The following GRIA4 variants were observed in gnomAD, a reference collection of about 807,000 sequenced individuals.
GRIA4 encodes the protein glutamate ionotropic receptor AMPA type subunit 4.
In GRIA4, 34 loss-of-function variants were observed where a neutral mutation model predicts 104.0. The observed-to-expected ratio is 0.33, with a 90% CI of 0.25 to 0.44. The LOEUF (loss-of-function observed/expected upper bound fraction) is 0.44. Ranked by LOEUF, GRIA4 falls within the 20% of genes least tolerant of loss-of-function variation. The pLI, the probability that GRIA4 is intolerant of heterozygous loss-of-function variation, is 1.00. For missense variants in GRIA4, 750 were observed against 1,096.5 expected (o/e 0.68, Z 4.46); for synonymous variants, 386 against 381.9 (o/e 1.01, Z -0.13).
intron 3 of GRIA4, among the ~76,000 whole-genome samples, chr11:105,750,504 A>G (rs1939935436): frequency 6.6e-6 from 1 of 152,100 alleles, no homozygotes. Context: ...GAAAAGGAGA[A>G]TAAATAGAAA....
At chr11:105,909,027 A>C (rs1947140344) in intron 9 of GRIA4, among the ~76,000 whole-genome samples, 1 of 152,204 alleles carries the variant, frequency 6.6e-6, no homozygotes, top group African/African-American at 2.4e-5. Context: ...ATAATTATTA[A>C]TAAATGTCAA....
chr11:105,728,214 G>T (rs1017151804), intron 3 of GRIA4, among the ~76,000 whole-genome samples: 1 of 152,070 alleles, frequency 6.6e-6, no homozygotes, highest in Non-Finnish European at 1.5e-5. Flanking sequence ...AAGAAGCAGG[G>T]GTTGCAATCC....
chr11:105,794,302 T>A (rs952448887), intron 4 of GRIA4, among the ~76,000 whole-genome samples: 11 of 150,640 alleles, frequency 7.3e-5, no homozygotes, highest in Non-Finnish European at 1.3e-4. Flanking sequence ...TGCTAGAGAC[T>A]GCTTTCCTTT....
intron 3 of GRIA4, among the ~76,000 whole-genome samples, chr11:105,637,946 C>G (rs991779399): frequency 6.6e-6 from 1 of 152,076 alleles, no homozygotes; most frequent in African/African-American, 2.4e-5. Flanking sequence ...TTTTTAATTT[C>G]ATTCATTTAT....
chr11:105,677,133 GAGTGACAACCA>G (rs1952563600), intron 3 of GRIA4, among the ~76,000 whole-genome samples: 1 of 151,800 alleles, frequency 6.6e-6, no homozygotes, highest in Non-Finnish European at 1.5e-5. Flanking sequence ...GTTTTCAAAA[GAGTGACAACCA>G]AGTGATCCAT....
intron 4 of GRIA4, among the ~76,000 whole-genome samples, chr11:105,783,744 TTGTGTGTGTGTGTGTG>T (rs56222983): frequency 8.3e-5 from 12 of 145,376 alleles, no homozygotes; most frequent in African/African-American, 2.1e-4. Context: ...TGGATGTTAT[TTGTGTGTGTGTGTGTG>T]TGTGTGTGTG....
chr11:105,654,041 A>T (rs1951769572), intron 3 of GRIA4, among the ~76,000 whole-genome samples: 1 of 150,540 alleles, frequency 6.6e-6, no homozygotes, highest in Non-Finnish European at 1.5e-5. Context: ...AACAAAAAAG[A>T]AGAAGAAGGA....
Position 105,902,613 on chromosome 11 carries a change from G to C in GRIA4, c.886-1201G>C, listed in dbSNP as rs377621452. On this transcript the variant is annotated intron_variant, in intron 7 of 16. Coordinates refer to ENST00000282499, the MANE Select transcript of GRIA4 (RefSeq NM_000829.4). ...ACTTCCCAAACTGCTAGGATTACAG[G>C]TGTGAGCCACCATGCCCAGCCCTAA... Among the ~76,000 whole-genome samples, 3 of 152,232 alleles carry C rather than the reference G, an allele frequency of 2.0e-5. 1 individual carries two copies. Among genetic ancestry groups the C allele is most frequent in the African/African-American group, 7.2e-5 (3 of 41,536 alleles).
intron 3 of GRIA4, among the ~76,000 whole-genome samples, chr11:105,703,661 G>A (rs1421096995): frequency 6.6e-6 from 1 of 152,018 alleles, no homozygotes; most frequent in East Asian, 1.9e-4. Flanking sequence ...ACTTTTTAAT[G>A]TTTTAAGTTT....
chr11:105,632,889 A>T (rs1410510627), intron 3 of GRIA4, among the ~76,000 whole-genome samples: 1 of 152,250 alleles, frequency 6.6e-6, no homozygotes, highest in Non-Finnish European at 1.5e-5. Context: ...AATTTGTATC[A>T]TTCCCTGAGC....
chr11:105,797,245 G>T (rs961450361), intron 4 of GRIA4, among the ~76,000 whole-genome samples: 2 of 151,366 alleles, frequency 1.3e-5, no homozygotes, highest in South Asian at 2.1e-4. Flanking sequence ...TGAAAAGAAA[G>T]AAAAAAAGGA....
intron 4 of GRIA4, among the ~76,000 whole-genome samples, chr11:105,818,281 G>A (rs746084852): frequency 2.4e-4 from 37 of 152,050 alleles, no homozygotes; most frequent in Non-Finnish European, 5.1e-4. Context: ...ATATGCAAAT[G>A]TCCCACAGAC....
intron 3 of GRIA4, among the ~76,000 whole-genome samples, chr11:105,734,035 T>C (rs1407702326): frequency 6.8e-6 from 1 of 147,118 alleles, no homozygotes; most frequent in South Asian, 2.1e-4. Flanking sequence ...CATATATATG[T>C]ATATTATATA....
At chr11:105,737,328 T>C (rs1008848352) in intron 3 of GRIA4, among the ~76,000 whole-genome samples, 1 of 152,162 alleles carries the variant, frequency 6.6e-6, no homozygotes, top group Non-Finnish European at 1.5e-5. Context: ...AACATTTGAC[T>C]AGTTCAATTA....
intron 14 of GRIA4, among the ~76,000 whole-genome samples, chr11:105,939,357 G>C (rs1227430180): frequency 6.6e-6 from 1 of 152,026 alleles, no homozygotes; most frequent in African/African-American, 2.4e-5. Flanking sequence ...GTAATTTTTG[G>C]CCATTTTAGT....
chr11:105,947,694 C>G (rs927660555), intron 14 of GRIA4, among the ~76,000 whole-genome samples: 7 of 152,088 alleles, frequency 4.6e-5, no homozygotes, highest in Admixed American at 4.6e-4. Flanking sequence ...TTAAGATACC[C>G]AACTTCTGAC....
At chr11:105,701,858 A>G (rs893173331) in intron 3 of GRIA4, among the ~76,000 whole-genome samples, 5 of 152,140 alleles carry the variant, frequency 3.3e-5, no homozygotes, top group Non-Finnish European at 7.4e-5. Context: ...TTAAAAGTAA[A>G]CGTTTTAATT....
chr11:105,703,523 A>G, intron 3 of GRIA4, among the ~76,000 whole-genome samples: 1 of 152,328 alleles, frequency 6.6e-6, no homozygotes, highest in East Asian at 1.9e-4. Context: ...TACAAAATAC[A>G]ATTTTTTAAA....
intron 13 of GRIA4, among the ~76,000 whole-genome samples, chr11:105,928,754 T>C (rs1373585881): frequency 6.6e-6 from 1 of 152,024 alleles, no homozygotes; most frequent in Non-Finnish European, 1.5e-5. Context: ...TCTGTGAAAA[T>C]ATTTCAAAAG....
Sources: gnomAD v4.1 joint callset for allele counts (sites outside exome capture counted in the v4.1 genomes callset) on GRCh38, gnomAD v4.1.1 for gene constraint, MANE v1.5 for transcripts, NCBI Gene and HGNC (gene_info 2026-07-23, HGNC 2026-07-21) for gene names.